Variants in KIF18A observed in about 807,000 individuals in gnomAD.
The protein encoded by KIF18A is kinesin-like protein KIF18A.
KIF18A carries 67 observed loss-of-function variants against 103.3 expected under a neutral mutation model. The ratio of observed to expected loss-of-function variants is 0.65; its 90% CI spans 0.53 to 0.79. The LOEUF (loss-of-function observed/expected upper bound fraction) is 0.79. Ranked by LOEUF, KIF18A falls within the 30% of genes least tolerant of loss-of-function variation. The probability of loss-of-function intolerance (pLI) is 0.00; values close to 1 mark genes in which losing one functional copy is unlikely to be tolerated. For synonymous variants in KIF18A, 367 were observed against 355.5 expected, an observed-to-expected ratio of 1.03 and a Z score of -0.36; for missense variants, 1,032 against 1,062.5, an observed-to-expected ratio of 0.97 and a Z score of 0.40.
At chr11:28,039,028 A>G (rs1048020071) in intron 13 of KIF18A, among the ~76,000 whole-genome samples, 2 of 151,614 alleles carry the variant, frequency 1.3e-5, no homozygotes, top group African/African-American at 4.8e-5. Flanking sequence ...CTGAATTGGG[A>G]GTCAGGAGAC....
chr11:28,028,063 T>A (rs1850343490), intron 15 of KIF18A, among the ~76,000 whole-genome samples: 1 of 152,040 alleles, frequency 6.6e-6, no homozygotes. Context: ...ACCAATGTGA[T>A]ACATTGTATC....
chr11:28,107,977 AC>A (rs1851557620), intron 1 of KIF18A, 86 bp downstream of exon 1: 1 of 152,044 alleles, frequency 6.6e-6, no homozygotes, highest in Non-Finnish European at 1.5e-5. Context: ...CAAGAAGCCC[AC>A]CTGGTCTTCT....
intron 10 of KIF18A, among the ~76,000 whole-genome samples, chr11:28,070,169 A>C (rs1304304189): frequency 6.6e-6 from 1 of 152,194 alleles, no homozygotes; most frequent in African/African-American, 2.4e-5. Flanking sequence ...GGATCCCCAA[A>C]GGTTAAAATA....
intron 10 of KIF18A, 65 bp from the exon 11 acceptor site, chr11:28,069,488 A>G: frequency 7.0e-7 from 1 of 1,421,268 alleles, no homozygotes; most frequent in Admixed American, 2.1e-5. Flanking sequence ...TGATATTAGT[A>G]AACTAGTATA....
chr11:28,051,772 A>C (rs1850715385), intron 13 of KIF18A, among the ~76,000 whole-genome samples: 1 of 151,920 alleles, frequency 6.6e-6, no homozygotes. Context: ...ATATCATCTA[A>C]ATGTTAACAA....
intron 13 of KIF18A, among the ~76,000 whole-genome samples, chr11:28,056,028 T>C (rs1357053904): frequency 6.6e-6 from 1 of 152,112 alleles, no homozygotes; most frequent in Non-Finnish European, 1.5e-5. Flanking sequence ...TCCTCCCATA[T>C]GCTTTAATAA....
At chr11:28,061,447 A>G (rs1850855386) in intron 12 of KIF18A, among the ~76,000 whole-genome samples, 2 of 152,096 alleles carry the variant, frequency 1.3e-5, no homozygotes, top group South Asian at 4.2e-4. Context: ...TTATCTTAAG[A>G]TAGTATATTC....
intron 12 of KIF18A, among the ~76,000 whole-genome samples, 175 bp from the exon 13 acceptor site, chr11:28,059,336 G>A (rs1180123390): frequency 6.6e-6 from 1 of 152,068 alleles, no homozygotes; most frequent in Non-Finnish European, 1.5e-5. Flanking sequence ...CTTGGACAAG[G>A]CAAAAACTGA....
intron 10 of KIF18A, among the ~76,000 whole-genome samples, chr11:28,075,572 G>A (rs1389266090): frequency 6.6e-6 from 1 of 151,942 alleles, no homozygotes; most frequent in Admixed American, 6.6e-5. Flanking sequence ...TTTTTGTGGT[G>A]TCTTTATCTT....
intron 9 of KIF18A, among the ~76,000 whole-genome samples, chr11:28,080,547 G>T (rs1851152683): frequency 6.6e-6 from 1 of 151,986 alleles, no homozygotes; most frequent in African/African-American, 2.4e-5. Context: ...CATTGTAATT[G>T]CTTTAGAGTG....
chr11:28,034,007 A>C (rs183970609), intron 15 of KIF18A, among the ~76,000 whole-genome samples: 1 of 151,748 alleles, frequency 6.6e-6, no homozygotes, highest in Admixed American at 6.6e-5. Flanking sequence ...AAAGTAAAAA[A>C]CAAATCCATC....
intron 10 of KIF18A, among the ~76,000 whole-genome samples, chr11:28,069,779 C>T (rs1207110224): frequency 1.3e-5 from 2 of 151,872 alleles, no homozygotes; most frequent in Non-Finnish European, 2.9e-5. Flanking sequence ...CCATGATCTC[C>T]TTACTCAAAA....
At chr11:28,042,547 G>A (rs1256602743) in intron 13 of KIF18A, among the ~76,000 whole-genome samples, 1 of 151,934 alleles carries the variant, frequency 6.6e-6, no homozygotes. Context: ...AATGCAAAAT[G>A]CAAACTTGTA....
chr11:28,065,879 TAC>T (rs1009047436), intron 11 of KIF18A, among the ~76,000 whole-genome samples: 1 of 152,068 alleles, frequency 6.6e-6, no homozygotes, highest in Non-Finnish European at 1.5e-5. Context: ...AAAACTTATA[TAC>T]ACAAACATAT....
At chr11:28,053,515 T>A (rs1334285737) in intron 13 of KIF18A, among the ~76,000 whole-genome samples, 3 of 152,104 alleles carry the variant, frequency 2.0e-5, no homozygotes, top group African/African-American at 4.8e-5. Flanking sequence ...ATTTATTTTT[T>A]AATTATACTT....
chr11:28,050,291 T>C (rs1258009109), intron 13 of KIF18A, among the ~76,000 whole-genome samples: 1 of 151,888 alleles, frequency 6.6e-6, no homozygotes, highest in Non-Finnish European at 1.5e-5. Flanking sequence ...TACATGGGGA[T>C]GATAAGTCAA....
intron 13 of KIF18A, among the ~76,000 whole-genome samples, chr11:28,053,386 A>G (rs1850736200): frequency 6.6e-6 from 1 of 151,990 alleles, no homozygotes; most frequent in South Asian, 2.1e-4. Flanking sequence ...TTTTCCAGTC[A>G]TATACAAATG....
chr11:28,083,218 T>C lies in KIF18A; in HGVS notation c.1100A>G (p.Asn367Ser), dbSNP rs759516608. ...SSLKSNVLNV[N>S]NHITQYVKIC... ...CTTTACATATTGAGTTATATGATTA[T>C]TGACATTAAGAACATTGCTCTTCAA... The change falls in exon 8 of 17, where the codon AAT (asparagine) becomes AGT (serine). Residue 367 changes from asparagine (N) to serine (S), a missense_variant. Transcript: ENST00000263181. The C allele has an allele frequency of 2.6e-5, 40 of 1,559,738 alleles. No homozygotes were observed. The highest frequency in any genetic ancestry group is 3.4e-5 in the Non-Finnish European group (39 of 1,163,844).
At chr11:28,022,508 C>A (rs1224290167) in intron 16 of KIF18A, among the ~76,000 whole-genome samples, 1 of 152,098 alleles carries the variant, frequency 6.6e-6, no homozygotes, top group Non-Finnish European at 1.5e-5. Flanking sequence ...ACCTCGTGAT[C>A]CACCCGCCTC....
Sources: allele counts gnomAD v4.1 joint callset (sites outside exome capture counted in the v4.1 genomes callset), GRCh38; gene constraint gnomAD v4.1.1; transcripts MANE v1.5; gene names NCBI Gene and HGNC (gene_info 2026-07-23, HGNC 2026-07-21).